The following HSD17B11 variants were observed in gnomAD, a reference collection of about 807,000 sequenced individuals.
HSD17B11 encodes hydroxysteroid 17-beta dehydrogenase 11.
In HSD17B11, 22 loss-of-function variants were observed where a neutral mutation model predicts 27.8. The observed-to-expected ratio is 0.79, with a 90% confidence interval of 0.56 to 1.13. The LOEUF is 1.13. Among genes scored for constraint, HSD17B11 ranks in the 50% most tolerant of loss-of-function variants. HSD17B11 has a pLI of 0.00. For synonymous variants in HSD17B11, 117 were observed against 132.8 expected (o/e 0.88, Z 0.82); for missense variants, 314 against 351.1 (o/e 0.89, Z 0.84).
intron 4 of HSD17B11, among the ~76,000 whole-genome samples, chr4:87,359,394 T>C (rs1308903247): frequency 6.6e-6 from 1 of 152,246 alleles, no homozygotes; most frequent in African/African-American, 2.4e-5. Context: ...GGAGTCTTTA[T>C]CTGTCACTTA....
intron 6 of HSD17B11, among the ~76,000 whole-genome samples, chr4:87,339,728 T>C (rs1735129042): frequency 1.3e-5 from 2 of 152,334 alleles, no homozygotes; most frequent in South Asian, 4.1e-4. Flanking sequence ...GGCTGGATAA[T>C]TGAATCACCT....
chr4:87,384,111 T>C (rs1347940031), intron 1 of HSD17B11, among the ~76,000 whole-genome samples: 5 of 152,190 alleles, frequency 3.3e-5, no homozygotes, highest in Non-Finnish European at 4.4e-5. Context: ...TTTTCTCCTG[T>C]GGGAAGTCAG....
At chr4:87,368,497 A>T (rs748603383) in intron 4 of HSD17B11, among the ~76,000 whole-genome samples, 35 of 152,286 alleles carry the variant, frequency 2.3e-4, no homozygotes, top group Admixed American at 5.2e-4. Flanking sequence ...ATCCGTCTGC[A>T]ACTCTTAGGA....
chr4:87,388,480 G>T (rs1720375225), intron 1 of HSD17B11, among the ~76,000 whole-genome samples: 1 of 152,090 alleles, frequency 6.6e-6, no homozygotes, highest in Non-Finnish European at 1.5e-5. Flanking sequence ...TGCATTTGCT[G>T]ATCCCTCCCT....
chr4:87,365,254 A>C (rs1735593875), intron 4 of HSD17B11, among the ~76,000 whole-genome samples: 1 of 152,220 alleles, frequency 6.6e-6, no homozygotes, highest in Non-Finnish European at 1.5e-5. Flanking sequence ...ACAAAGCTCT[A>C]ATCAATTGAC....
At chr4:87,363,404 G>A (rs995909145) in intron 4 of HSD17B11, among the ~76,000 whole-genome samples, 1 of 152,154 alleles carries the variant, frequency 6.6e-6, no homozygotes, top group Non-Finnish European at 1.5e-5. Context: ...CTATGAATTC[G>A]TTTTTCCGTG....
At chr4:87,357,239 T>C in intron 5 of HSD17B11, 40 bp downstream of exon 5, 2 of 1,599,958 alleles carry the variant, frequency 1.3e-6, no homozygotes, top group African/African-American at 1.3e-5. Context: ...CTGGTATTCA[T>C]AGCAACCACC....
At chr4:87,339,506 A>C (rs558367302) in intron 6 of HSD17B11, among the ~76,000 whole-genome samples, 189 of 152,314 alleles carry the variant, frequency 1.2e-3, no homozygotes, top group African/African-American at 4.3e-3. Context: ...CTATTTTTAA[A>C]TAGACTTCCC....
Position 87,374,777 on chromosome 4 carries a change from G to T in HSD17B11, c.372C>A (p.Val124=). 6.3e-7 allele frequency: 1 copy of T among 1,593,038 alleles called. No homozygotes were observed. The highest frequency in any genetic ancestry group is 1.1e-5 in the South Asian group (1 of 88,032). Residue 124 remains valine, a synonymous_variant, in exon 3 of 7, where the codon GTC becomes GTA. Transcript: ENST00000358290. ...VSILVNNAGV[V]YTSDLFATQD... ...GTGTAGCAAACAAATCTGATGTATAGACTACACCAGCATTATTTACTAAAA... is the reference window on the plus strand; with the variant it reads ...GTGTAGCAAACAAATCTGATGTATATACTACACCAGCATTATTTACTAAAA...
intron 4 of HSD17B11, among the ~76,000 whole-genome samples, chr4:87,365,763 G>GT (rs1345454277): frequency 6.7e-6 from 1 of 149,114 alleles, no homozygotes; most frequent in African/African-American, 2.5e-5. Flanking sequence ...AAAAAAAATT[G>GT]TAAGAAGAAG....
Position 87,382,266 on chromosome 4 carries a change from A to G in HSD17B11, c.307T>C (p.Ser103Pro). 14 of 1,612,090 alleles carry G rather than the reference A, an allele frequency of 8.7e-6. No individual in the cohort carries two copies. Among genetic ancestry groups the G allele is most frequent in the Non-Finnish European group, 1.2e-5 (14 of 1,178,182 alleles). The change falls in exon 2 of 7, where the codon TCT (serine) becomes CCT (proline). Residue 103 changes from serine (S) to proline (P), a missense_variant. By Grantham distance (74) the Ser-to-Pro change is moderately conservative. Transcript: ENST00000358290. The stretch of plus-strand genomic sequence containing the variant: ...ACACAACATTTCACCTTCTTTGCAG[A>G]GCTGTAAATATCTTCTCGGTTGCTG... ...DCSNREDIYS[S>P]AKKVKAEIGD...
At chr4:87,373,880 C>A (rs568821563) in intron 3 of HSD17B11, among the ~76,000 whole-genome samples, 2 of 151,934 alleles carry the variant, frequency 1.3e-5, no homozygotes, top group Admixed American at 1.3e-4. Context: ...CTTTGAGGGG[C>A]CTTTTTAAGA....
At chr4:87,382,790 T>C (rs1390661061) in intron 1 of HSD17B11, among the ~76,000 whole-genome samples, 1 of 152,222 alleles carries the variant, frequency 6.6e-6, no homozygotes, top group East Asian at 1.9e-4. Flanking sequence ...TTAAACCATT[T>C]GTTCTTTCAG....
intron 4 of HSD17B11, among the ~76,000 whole-genome samples, chr4:87,370,819 C>T (rs28514476): frequency 0.17 from 17,772 of 104,724 alleles, 3,163 homozygotes; most frequent in East Asian, 0.32. Context: ...GTGGCGCGAT[C>T]TCGGCTCACT....
chr4:87,368,697 G>A (rs1297206533), intron 4 of HSD17B11, among the ~76,000 whole-genome samples: 2 of 152,102 alleles, frequency 1.3e-5, no homozygotes, highest in Admixed American at 6.6e-5. Flanking sequence ...TAAAGACCTC[G>A]CTGATGATAA....
intron 5 of HSD17B11, among the ~76,000 whole-genome samples, chr4:87,345,825 G>A (rs1338511274): frequency 6.6e-6 from 1 of 152,092 alleles, no homozygotes; most frequent in African/African-American, 2.4e-5. Context: ...CCAGGAAAGA[G>A]GAGCCCAGGA....
At chr4:87,375,271 A>G (rs1735797752) in intron 2 of HSD17B11, among the ~76,000 whole-genome samples, 1 of 152,140 alleles carries the variant, frequency 6.6e-6, no homozygotes, top group African/African-American at 2.4e-5. Flanking sequence ...TCAACAGGGG[A>G]AAAAAATCCT....
chr4:87,380,484 A>AAAAAAAG (rs1578046554), intron 2 of HSD17B11, among the ~76,000 whole-genome samples: 1 of 138,644 alleles, frequency 7.2e-6, no homozygotes, highest in Admixed American at 7.7e-5. Flanking sequence ...AAAAAAAAAA[A>AAAAAAAG]AAAAGAAAAA....
At chr4:87,377,108 T>C (rs7662528) in intron 2 of HSD17B11, among the ~76,000 whole-genome samples, 93,082 of 150,794 alleles carry the variant, frequency 0.62, 29,770 homozygotes, top group African/African-American at 0.76. Flanking sequence ...CCCGCCTGGG[T>C]GACAGAGCAA....
Sources: allele counts gnomAD v4.1 joint callset (sites outside exome capture counted in the v4.1 genomes callset), GRCh38; gene constraint gnomAD v4.1.1; transcripts MANE v1.5; gene names NCBI Gene and HGNC (gene_info 2026-07-23, HGNC 2026-07-21).